HMBOX1: variants seen among roughly 807,000 people sequenced by gnomAD.
HMBOX1 encodes the protein homeobox-containing protein 1.
In HMBOX1, 14 loss-of-function variants were observed where a neutral mutation model predicts 54.5. The ratio of observed to expected loss-of-function variants is 0.26; its 90% CI spans 0.17 to 0.40. The LOEUF (loss-of-function observed/expected upper bound fraction) is 0.40, where lower values mean the gene tolerates loss of function less well. Ranked by LOEUF, HMBOX1 falls within the 10% of genes least tolerant of loss-of-function variation. The pLI is 1.00. For synonymous variants in HMBOX1, 160 were observed against 181.0 expected (o/e 0.88, Z 0.93); for missense variants, 332 against 514.4 (o/e 0.65, Z 3.43).
chr8:28,909,328 A>G (rs1814962559), intron 1 of HMBOX1, among the ~76,000 whole-genome samples: 2 of 152,222 alleles, frequency 1.3e-5, no homozygotes, highest in African/African-American at 2.4e-5. Context: ...TTTGTAAAAT[A>G]CAATAAAAAT....
chr8:28,890,651 G>T lies in HMBOX1; in HGVS notation c.-85G>T, dbSNP rs979654218. 1 of 152,864 alleles carries T rather than the reference G, an allele frequency of 6.5e-6. No individual in the cohort carries two copies. Among genetic ancestry groups the T allele is most frequent in the Admixed American group, 6.5e-5 (1 of 15,292 alleles). The allele number at this position is 152,864 out of a possible 1,614,324, so 9.5% of individuals were successfully genotyped here. A position where few individuals can be genotyped will look rare whatever the true frequency, so the allele number is the denominator to read the frequency against. ...GACGTTGGGGAGGGGGCTGTGCCGG[G>T]CGGAGAGAACTCAGCGAGGATTCTG... On this transcript the variant is annotated 5_prime_UTR_variant, in exon 1 of 10. Coordinates refer to ENST00000287701, the MANE Select transcript of HMBOX1 (RefSeq NM_001135726.3).
At chr8:29,022,244 C>T (rs866662596) in intron 6 of HMBOX1, among the ~76,000 whole-genome samples, 6 of 151,786 alleles carry the variant, frequency 4.0e-5, no homozygotes, top group South Asian at 2.1e-4. Context: ...TAGTGAGACC[C>T]CATCTCTATA....
chr8:28,976,587 C>T (rs1828413049), intron 3 of HMBOX1, among the ~76,000 whole-genome samples: 1 of 152,130 alleles, frequency 6.6e-6, no homozygotes, highest in Non-Finnish European at 1.5e-5. Context: ...AGCCAGGGCC[C>T]AGCTTTGTTA....
chr8:28,915,158 C>T (rs541611773), intron 1 of HMBOX1, among the ~76,000 whole-genome samples: 2 of 152,260 alleles, frequency 1.3e-5, no homozygotes, highest in East Asian at 3.9e-4. Flanking sequence ...CCTAGAGCAA[C>T]TCTATCCAAT....
At chr8:28,912,577 T>G (rs2131680258) in intron 1 of HMBOX1, among the ~76,000 whole-genome samples, 1 of 152,332 alleles carries the variant, frequency 6.6e-6, no homozygotes, top group South Asian at 2.1e-4. Flanking sequence ...AGTTTTCTGG[T>G]TTGATATTTC....
At chr8:29,007,648 C>G (rs942833810) in intron 4 of HMBOX1, among the ~76,000 whole-genome samples, 2 of 152,000 alleles carry the variant, frequency 1.3e-5, no homozygotes, top group Non-Finnish European at 2.9e-5. Flanking sequence ...GAGACCCTGT[C>G]TCTACAGAAA....
intron 9 of HMBOX1, 164 bp downstream of exon 9, chr8:29,049,212 A>T: frequency 1.3e-6 from 2 of 1,501,432 alleles, no homozygotes; most frequent in Non-Finnish European, 1.8e-6. Context: ...TTTGAAAGGA[A>T]TGTGGTAAGA....
At chr8:28,918,523 G>A (rs770964357) in intron 1 of HMBOX1, among the ~76,000 whole-genome samples, 7 of 152,238 alleles carry the variant, frequency 4.6e-5, no homozygotes, top group Admixed American at 6.5e-5. Flanking sequence ...TTTTGGTAGT[G>A]TATGTATTCA....
At position 28,934,926 on chromosome 8, in the gene HMBOX1, CA is replaced by C. The variant is rs71551611; in HGVS notation, c.-57-28868del. Among the ~76,000 whole-genome samples, 516 of 110,742 alleles carry C rather than the reference CA, an allele frequency of 4.7e-3. 1 individual carries two copies. Among genetic ancestry groups the C allele is most frequent in the East Asian group, 0.03 (100 of 3,360 alleles). The allele number at this position is 110,742 out of a possible 152,430, so 72.7% of individuals were successfully genotyped here. On this transcript the variant is annotated intron_variant, in intron 1 of 9. Transcript: ENST00000287701. The stretch of plus-strand genomic sequence containing the variant: ...TGGGCGACAGAGCGAGACTCCGTCT[CA>C]AAAAAAAAAAAAAAAATCATAAATC...
intron 1 of HMBOX1, among the ~76,000 whole-genome samples, chr8:28,941,144 G>T (rs1004586581): frequency 2.6e-5 from 4 of 152,064 alleles, no homozygotes; most frequent in Non-Finnish European, 4.4e-5. Context: ...GGTTCAGAAA[G>T]CTCTATGGTT....
At chr8:28,926,976 AG>A (rs1818631083) in intron 1 of HMBOX1, among the ~76,000 whole-genome samples, 1 of 152,208 alleles carries the variant, frequency 6.6e-6, no homozygotes, top group Non-Finnish European at 1.5e-5. Context: ...TGATTACCAG[AG>A]GCTGGAAAGA....
chr8:28,971,340 C>T (rs1827383624), intron 3 of HMBOX1, among the ~76,000 whole-genome samples: 1 of 152,124 alleles, frequency 6.6e-6, no homozygotes, highest in Non-Finnish European at 1.5e-5. Flanking sequence ...ATCCACCCGC[C>T]TCGGCCTCCC....
chr8:29,047,816 C>T (rs1276922064), intron 8 of HMBOX1, among the ~76,000 whole-genome samples: 1 of 152,080 alleles, frequency 6.6e-6, no homozygotes, highest in African/African-American at 2.4e-5. Context: ...ATCCGTCCGC[C>T]TCGGCCTCCC....
intron 5 of HMBOX1, among the ~76,000 whole-genome samples, chr8:29,015,725 G>A (rs533232757): frequency 1.4e-4 from 21 of 152,280 alleles, no homozygotes; most frequent in African/African-American, 5.1e-4. Context: ...GTTGGGTAGA[G>A]CAGAAATGTT....
At chr8:29,005,204 T>G (rs1833270285) in intron 4 of HMBOX1, among the ~76,000 whole-genome samples, 1 of 152,200 alleles carries the variant, frequency 6.6e-6, no homozygotes, top group Non-Finnish European at 1.5e-5. Flanking sequence ...CCTTGCTTAC[T>G]TCAGAGAGTA....
intron 1 of HMBOX1, among the ~76,000 whole-genome samples, chr8:28,895,898 T>C (rs1014280041): frequency 1.7e-4 from 26 of 152,210 alleles, no homozygotes; most frequent in African/African-American, 5.1e-4. Context: ...CTAATCTTGT[T>C]TGAATTTTTT....
At chr8:28,964,010 G>T (rs1826039934) in intron 2 of HMBOX1, 120 bp downstream of exon 2, 3 of 700,162 alleles carry the variant, frequency 4.3e-6, no homozygotes, top group Non-Finnish European at 7.3e-6. Flanking sequence ...AGCTTTTTTA[G>T]AAAATGAATC....
intron 1 of HMBOX1, among the ~76,000 whole-genome samples, chr8:28,960,682 C>G (rs1202012828): frequency 3.8e-5 from 5 of 131,566 alleles, no homozygotes; most frequent in East Asian, 4.5e-4. Context: ...GTTATTTGGT[C>G]TTTGTGTTTG....
chr8:28,927,666 T>C (rs1025478935), intron 1 of HMBOX1, among the ~76,000 whole-genome samples: 2 of 151,760 alleles, frequency 1.3e-5, no homozygotes, highest in Non-Finnish European at 2.9e-5. Context: ...TCACCAACAG[T>C]GAGGATCAGA....
Sources: allele counts gnomAD v4.1 joint callset (sites outside exome capture counted in the v4.1 genomes callset), GRCh38; gene constraint gnomAD v4.1.1; transcripts MANE v1.5; gene names NCBI Gene and HGNC (gene_info 2026-07-23, HGNC 2026-07-21).